The following MGMT variants were observed in gnomAD, a reference collection of about 807,000 sequenced individuals.
The protein encoded by MGMT is O-6-methylguanine-DNA methyltransferase, also known as methylated-DNA--protein-cysteine methyltransferase.
Under a neutral mutation model 15.9 loss-of-function variants are expected in MGMT, and 14 were observed. The ratio of observed to expected loss-of-function variants is 0.88; its 90% confidence interval spans 0.58 to 1.37. The LOEUF (loss-of-function observed/expected upper bound fraction) is 1.37, where lower values mean the gene tolerates loss of function less well. Ranked by LOEUF, MGMT falls within the 40% of genes most tolerant of loss-of-function variation. The probability of loss-of-function intolerance (pLI) is 0.00; values close to 1 mark genes in which losing one functional copy is unlikely to be tolerated. For missense variants in MGMT, 282 were observed against 268.1 expected (o/e 1.05, Z -0.36); for synonymous variants, 130 against 118.2 (o/e 1.10, Z -0.65).
intron 2 of MGMT, among the ~76,000 whole-genome samples, chr10:129,608,189 A>G (rs1288020529): frequency 6.6e-6 from 1 of 152,236 alleles, no homozygotes; most frequent in African/African-American, 2.4e-5. Flanking sequence ...GCAAAAAATG[A>G]CTTGTCATAA....
chr10:129,656,548 G>A (rs1460015834), intron 2 of MGMT, among the ~76,000 whole-genome samples: 1 of 152,212 alleles, frequency 6.6e-6, no homozygotes, highest in African/African-American at 2.4e-5. Context: ...GCCTCAGGAG[G>A]TCCTGATGAC....
chr10:129,497,837 G>A (rs1027964396), intron 1 of MGMT, among the ~76,000 whole-genome samples: 1 of 152,180 alleles, frequency 6.6e-6, no homozygotes, highest in African/African-American at 2.4e-5. Flanking sequence ...ACGTGAGGAC[G>A]CGGCGAGAAG....
At chr10:129,574,454 A>G (rs901992479) in intron 2 of MGMT, among the ~76,000 whole-genome samples, 2 of 152,236 alleles carry the variant, frequency 1.3e-5, no homozygotes, top group African/African-American at 2.4e-5. Context: ...ATATTAATGA[A>G]TAATTTAGTA....
chr10:129,735,140 C>G (rs1433051720), intron 3 of MGMT, among the ~76,000 whole-genome samples: 3 of 152,296 alleles, frequency 2.0e-5, no homozygotes, highest in Non-Finnish European at 4.4e-5. Context: ...GCAATGGTAC[C>G]AGTTCCTCCT....
chr10:129,766,901 G>T lies in MGMT; in HGVS notation c.528G>T (p.Leu176Phe). ...TTCTGGCCCATGAAGGCCACCGGTT[G>T]GGGAAGCCAGGCTTGGGAGGGAGCT... ...EWLLAHEGHR[L>F]GKPGLGGSSG... The change falls in exon 5 of 5, where the codon TTG becomes TTT. Residue 176 changes from leucine to phenylalanine, a missense_variant. Coordinates refer to ENST00000651593, the MANE Select transcript of MGMT (RefSeq NM_002412.5). 6.2e-7 allele frequency: 1 copy of T among 1,613,516 alleles called. No homozygotes were observed.
chr10:129,590,148 G>C (rs1846665772), intron 2 of MGMT, among the ~76,000 whole-genome samples: 1 of 152,218 alleles, frequency 6.6e-6, no homozygotes, highest in South Asian at 2.1e-4. Flanking sequence ...TCTGCCGCAG[G>C]CCCACATTCT....
chr10:129,726,691 G>C (rs189509519), intron 3 of MGMT, among the ~76,000 whole-genome samples: 16 of 152,222 alleles, frequency 1.1e-4, no homozygotes, highest in African/African-American at 3.6e-4. Context: ...GTCATTTTCA[G>C]TTTTGTCTCT....
chr10:129,497,586 C>G (rs12269253), intron 1 of MGMT, among the ~76,000 whole-genome samples: 32,854 of 152,190 alleles, frequency 0.22, 4,159 homozygotes, highest in Non-Finnish European at 0.28. Flanking sequence ...CTCACACTTA[C>G]CACAACCAGG....
intron 1 of MGMT, among the ~76,000 whole-genome samples, chr10:129,502,021 C>T (rs1405797094): frequency 2.0e-5 from 3 of 152,194 alleles, no homozygotes; most frequent in South Asian, 2.1e-4. Context: ...ATGGGATGGG[C>T]GCAGCCTGTG....
At chr10:129,509,319 C>T (rs145908344) in intron 1 of MGMT, among the ~76,000 whole-genome samples, 49 of 152,190 alleles carry the variant, frequency 3.2e-4, no homozygotes, top group African/African-American at 1.2e-3. Flanking sequence ...ATGATAGTCC[C>T]GCCCCTCGAG....
At chr10:129,677,461 C>T (rs767896684) in intron 2 of MGMT, among the ~76,000 whole-genome samples, 3 of 152,178 alleles carry the variant, frequency 2.0e-5, no homozygotes, top group South Asian at 2.1e-4. Context: ...CTCAGGTTTT[C>T]GCAGCCATGC....
intron 2 of MGMT, among the ~76,000 whole-genome samples, chr10:129,671,572 A>C (rs1053863572): frequency 4.6e-5 from 7 of 152,206 alleles, no homozygotes; most frequent in Non-Finnish European, 8.8e-5. Context: ...TATATTTACT[A>C]TCTGGCCCTT....
At chr10:129,610,512 A>G (rs1450502067) in intron 2 of MGMT, among the ~76,000 whole-genome samples, 1 of 152,236 alleles carries the variant, frequency 6.6e-6, no homozygotes, top group Non-Finnish European at 1.5e-5. Context: ...CTCTCCGTCC[A>G]TATGCAATAG....
chr10:129,500,285 G>T (rs185221406), intron 1 of MGMT, among the ~76,000 whole-genome samples: 3 of 152,142 alleles, frequency 2.0e-5, no homozygotes, highest in Admixed American at 1.3e-4. Flanking sequence ...TGAACTGGGC[G>T]GGGGATTCAC....
chr10:129,632,492 A>G (rs762357807), intron 2 of MGMT, among the ~76,000 whole-genome samples: 63 of 152,234 alleles, frequency 4.1e-4, no homozygotes, highest in Non-Finnish European at 8.5e-4. Flanking sequence ...CACACGGTAG[A>G]GGATTTTGAA....
intron 2 of MGMT, among the ~76,000 whole-genome samples, chr10:129,663,947 C>T (rs1847628343): frequency 6.6e-6 from 1 of 152,076 alleles, no homozygotes; most frequent in Non-Finnish European, 1.5e-5. Context: ...AGGGAAACGT[C>T]CCATATTTTT....
intron 3 of MGMT, among the ~76,000 whole-genome samples, chr10:129,724,241 G>T (rs551378553): frequency 1.3e-5 from 2 of 152,238 alleles, no homozygotes; most frequent in Admixed American, 1.3e-4. Context: ...ACACAGCCTC[G>T]TGGATGAGTC....
At chr10:129,504,016 G>A (rs1845601031) in intron 1 of MGMT, among the ~76,000 whole-genome samples, 1 of 152,170 alleles carries the variant, frequency 6.6e-6, no homozygotes, top group African/African-American at 2.4e-5. Flanking sequence ...AGGGTTCCAT[G>A]TCTGATACCC....
chr10:129,746,767 G>T (rs1848700749), intron 3 of MGMT, among the ~76,000 whole-genome samples: 1 of 152,186 alleles, frequency 6.6e-6, no homozygotes, highest in African/African-American at 2.4e-5. Flanking sequence ...AAACCTGTCA[G>T]TGTGATTTCT....
Sources: gnomAD v4.1 joint callset for allele counts (sites outside exome capture counted in the v4.1 genomes callset) on GRCh38, gnomAD v4.1.1 for gene constraint, MANE v1.5 for transcripts, NCBI Gene and HGNC (gene_info 2026-07-23, HGNC 2026-07-21) for gene names.